The following CWF19L1 variants were observed in gnomAD, a reference collection of about 807,000 sequenced individuals.
CWF19L1 encodes the protein CWF19 like cell cycle control factor 1.
In CWF19L1, 60 loss-of-function variants were observed where a neutral mutation model predicts 69.7. The observed-to-expected ratio is 0.86, with a 90% CI of 0.70 to 1.07. The LOEUF (loss-of-function observed/expected upper bound fraction) is 1.07, where lower values mean the gene tolerates loss of function less well. Ranked by LOEUF, CWF19L1 falls within the 50% of genes least tolerant of loss-of-function variation. CWF19L1 has a pLI of 0.00. For synonymous variants in CWF19L1, 209 were observed against 222.2 expected (o/e 0.94, Z 0.53); for missense variants, 591 against 638.9 (o/e 0.92, Z 0.81).
At chr10:100,245,679 T>C in intron 9 of CWF19L1, 120 bp downstream of exon 9, 1 of 708,434 alleles carries the variant, frequency 1.4e-6, no homozygotes, top group Middle Eastern at 2.4e-4. Flanking sequence ...TTGGTCCTAA[T>C]GACTCATTGC....
chr10:100,249,792 G>T (rs1846963094), intron 7 of CWF19L1, among the ~76,000 whole-genome samples: 2 of 152,100 alleles, frequency 1.3e-5, no homozygotes, highest in Non-Finnish European at 2.9e-5. Flanking sequence ...CACCATGTTG[G>T]CCAGGCTGGT....
At position 100,246,862 on chromosome 10, in the gene CWF19L1, A is replaced by C; in HGVS notation, c.782T>G (p.Val261Gly). 1 of 1,614,128 alleles carries C rather than the reference A, an allele frequency of 6.2e-7. No individual in the cohort carries two copies. Among genetic ancestry groups the C allele is most frequent in the Non-Finnish European group, 8.5e-7 (1 of 1,179,976 alleles). The part of the protein sequence containing the change: ...AAELVKQPPD[V>G]TENPYRKSGQ... ...AGATTTTCTGTAAGGGTTTTCAGTG[A>C]CATCCGGAGGCTGTTTTACCAGTTC... The change falls in exon 8 of 14, where the codon GTC becomes GGC. Residue 261 changes from valine (V) to glycine (G), a missense_variant. Around this residue, in one of 3 missense-constraint regions of CWF19L1, gnomAD observed 458 missense variants for 489.3 expected, o/e 0.94. Coordinates refer to ENST00000354105, the MANE Select transcript of CWF19L1 (RefSeq NM_018294.6).
intron 7 of CWF19L1, 133 bp downstream of exon 7, chr10:100,250,115 C>A (rs1253501694): frequency 2.0e-5 from 14 of 697,904 alleles, no homozygotes; most frequent in Non-Finnish European, 3.3e-5. Flanking sequence ...CATACCTTTA[C>A]AAAGGAGTCT....
chr10:100,247,390 A>G (rs1290000198), intron 7 of CWF19L1, among the ~76,000 whole-genome samples: 3 of 152,238 alleles, frequency 2.0e-5, no homozygotes, highest in African/African-American at 7.2e-5. Context: ...ATATTATACA[A>G]ATTCTGCTAT....
intron 10 of CWF19L1, among the ~76,000 whole-genome samples, chr10:100,243,214 A>C (rs907842249): frequency 1.3e-5 from 2 of 152,196 alleles, no homozygotes; most frequent in African/African-American, 4.8e-5. Flanking sequence ...ATAAAGTAGA[A>C]ACAACCCAAA....
chr10:100,266,630 C>T (rs1847596246), intron 1 of CWF19L1, among the ~76,000 whole-genome samples: 1 of 151,550 alleles, frequency 6.6e-6, no homozygotes, highest in South Asian at 2.1e-4. Context: ...ATTCTCCTGC[C>T]TCAGCCTCCC....
At chr10:100,255,622 G>T (rs1010264410) in intron 5 of CWF19L1, among the ~76,000 whole-genome samples, 1 of 152,078 alleles carries the variant, frequency 6.6e-6, no homozygotes, top group Non-Finnish European at 1.5e-5. Context: ...AATTAGCCAG[G>T]CATGGCAGTG....
intron 12 of CWF19L1, among the ~76,000 whole-genome samples, chr10:100,236,144 G>T: frequency 1.4e-5 from 2 of 140,214 alleles, no homozygotes; most frequent in South Asian, 2.2e-4. Flanking sequence ...TTGCGATGTT[G>T]CCCAGGCTGA....
chr10:100,248,323 A>T, intron 7 of CWF19L1: 1 of 1,243,806 alleles, frequency 8.0e-7, no homozygotes, highest in Non-Finnish European at 1.2e-6. Context: ...GTTGCAGGAG[A>T]CGTGGTGAAC....
chr10:100,235,688 T>C lies in CWF19L1; in HGVS notation c.1451A>G (p.Asn484Ser), dbSNP rs1190691746. ...GEKLFHRIKK[N>S]FPLQFGREVL... ...ATACCTTCCAAACTGCAAAGGAAAATTCTTTTTAATTCTGTGGAAAAGCTT... is the reference window on the plus strand; with the variant it reads ...ATACCTTCCAAACTGCAAAGGAAAACTCTTTTTAATTCTGTGGAAAAGCTT... Residue 484 changes from asparagine (N) to serine (S), a missense_variant, in exon 13 of 14, where the codon AAT becomes AGT. Around this residue, in one of 3 missense-constraint regions of CWF19L1, gnomAD observed 458 missense variants for 489.3 expected, o/e 0.94. Coordinates refer to ENST00000354105, the MANE Select transcript of CWF19L1 (RefSeq NM_018294.6). 1 of 1,611,612 alleles carries C rather than the reference T, an allele frequency of 6.2e-7. No individual in the cohort carries two copies. Among genetic ancestry groups the C allele is most frequent in the Non-Finnish European group, 8.5e-7 (1 of 1,179,444 alleles).
Position 100,236,935 on chromosome 10 carries a change from TCAG to T in CWF19L1, c.1286_1288del (p.Thr429_Asp430delinsAsn), listed in dbSNP as rs1324528869. The T allele has an allele frequency of 1.2e-6, 2 of 1,610,340 alleles. No homozygotes were observed. The highest frequency in any genetic ancestry group is 1.7e-6 in the Non-Finnish European group (2 of 1,178,304). ...GGTAATGAAGGCATCTTTAATGTCA[TCAG>T]TAGTAGAGCAGCTGATTGGGACAGG... On this transcript the variant is annotated inframe_deletion, in exon 12 of 14. Coordinates refer to ENST00000354105, the MANE Select transcript of CWF19L1 (RefSeq NM_018294.6).
At position 100,236,970 on chromosome 10, in the gene CWF19L1, C is replaced by T. The variant is rs1258883944; in HGVS notation, c.1255-1G>A. On this transcript the variant is annotated splice_acceptor_variant, in intron 11 of 13. Transcript: ENST00000354105. LOFTEE classifies it high-confidence loss of function. The stretch of plus-strand genomic sequence containing the variant: ...AGCAGCTGATTGGGACAGGAATGAC[C>T]TGGGGGTTGGGGAGACAGGAGAAAT... 2 of 1,578,238 alleles carry T rather than the reference C, an allele frequency of 1.3e-6. No homozygotes were observed. The highest frequency in any genetic ancestry group is 4.5e-5 in the East Asian group (2 of 44,516).
At chr10:100,245,646 A>G (rs1846793272) in intron 9 of CWF19L1, among the ~76,000 whole-genome samples, 153 bp downstream of exon 9, 1 of 152,236 alleles carries the variant, frequency 6.6e-6, no homozygotes, top group South Asian at 2.1e-4. Context: ...GGCCAAGGCC[A>G]TGTTTATATT....
At chr10:100,243,911 C>T (rs1330061102) in intron 9 of CWF19L1, 134 bp from the exon 10 acceptor site, 21 of 699,592 alleles carry the variant, frequency 3.0e-5, no homozygotes, top group Non-Finnish European at 4.8e-5. Context: ...TGGGCTGAGC[C>T]TGTGCTCCTC....
intron 7 of CWF19L1, 177 bp downstream of exon 7, chr10:100,250,071 C>A: frequency 3.2e-6 from 2 of 622,348 alleles, no homozygotes; most frequent in South Asian, 1.8e-5. Flanking sequence ...AACTCTCCTA[C>A]AAAAAGACCC....
intron 7 of CWF19L1, 128 bp from the exon 8 acceptor site, chr10:100,247,063 G>C: frequency 1.2e-6 from 1 of 802,650 alleles, no homozygotes; most frequent in African/African-American, 1.8e-5. Flanking sequence ...ACAGCAACCA[G>C]CCCATCCATA....
chr10:100,252,370 G>A (rs1206391452), intron 6 of CWF19L1, among the ~76,000 whole-genome samples: 2 of 151,848 alleles, frequency 1.3e-5, no homozygotes. Context: ...GGGAGACGGA[G>A]GTTGCAGTGA....
intron 8 of CWF19L1, 117 bp downstream of exon 8, chr10:100,246,678 T>C: frequency 9.3e-7 from 1 of 1,070,458 alleles, no homozygotes; most frequent in Non-Finnish European, 1.3e-6. Context: ...AACATCATCA[T>C]GATTTCCCAA....
intron 7 of CWF19L1, 72 bp downstream of exon 7, chr10:100,250,176 A>C (rs1466507623): frequency 4.7e-6 from 5 of 1,053,810 alleles, no homozygotes; most frequent in Non-Finnish European, 7.4e-6. Context: ...TCTGAATGCT[A>C]AACTGGACAA....
Sources: allele counts gnomAD v4.1 joint callset (sites outside exome capture counted in the v4.1 genomes callset), GRCh38; gene constraint gnomAD v4.1.1; regional missense constraint gnomAD v4.1.1; transcripts MANE v1.5; gene names NCBI Gene and HGNC (gene_info 2026-07-23, HGNC 2026-07-21).